ATP10D: variants seen among roughly 807,000 people sequenced by gnomAD.
ATP10D encodes phospholipid-transporting ATPase VD.
A neutral mutation model predicts 144.8 loss-of-function variants in ATP10D; 89 were observed. That is an observed-to-expected ratio of 0.61 (90% CI 0.52 to 0.73). The LOEUF is 0.73. ATP10D is among the 30% of genes least tolerant of loss of function. ATP10D has a pLI of 0.00. For synonymous variants in ATP10D, 571 were observed against 615.1 expected (o/e 0.93, Z 1.06); for missense variants, 1,603 against 1,714.8 (o/e 0.93, Z 1.15).
chr4:47,564,799 GA>G (rs1719515876), intron 15 of ATP10D, among the ~76,000 whole-genome samples: 2 of 152,060 alleles, frequency 1.3e-5, no homozygotes, highest in South Asian at 4.1e-4. Context: ...TATTTTTCTT[GA>G]AAAACTTCCT....
intron 1 of ATP10D, among the ~76,000 whole-genome samples, chr4:47,499,298 C>T (rs900314287): frequency 2.6e-5 from 4 of 152,070 alleles, no homozygotes; most frequent in Non-Finnish European, 4.4e-5. Flanking sequence ...ACCTGGTTGG[C>T]AATGGTAGCC....
At chr4:47,533,400 T>A (rs894111965) in intron 5 of ATP10D, among the ~76,000 whole-genome samples, 8 of 152,204 alleles carry the variant, frequency 5.3e-5, no homozygotes, top group African/African-American at 1.9e-4. Flanking sequence ...ATATATCTGT[T>A]AGAAGAAAGT....
chr4:47,529,377 G>A (rs139518878), intron 5 of ATP10D, among the ~76,000 whole-genome samples: 32 of 152,108 alleles, frequency 2.1e-4, no homozygotes, highest in African/African-American at 6.7e-4. Flanking sequence ...TTTTCCCAGC[G>A]CCATTTATTG....
At chr4:47,540,676 G>A (rs1718090898) in intron 9 of ATP10D, among the ~76,000 whole-genome samples, 1 of 152,146 alleles carries the variant, frequency 6.6e-6, no homozygotes, top group African/African-American at 2.4e-5. Flanking sequence ...ATATATTTGA[G>A]ATAAGTAATG....
intron 22 of ATP10D, 63 bp from the exon 23 acceptor site, chr4:47,590,979 G>GGC: frequency 2.6e-6 from 3 of 1,160,652 alleles, no homozygotes; most frequent in Non-Finnish European, 2.4e-6. Flanking sequence ...TAGTATTTGG[G>GGC]GGGGGGGGTT....
intron 1 of ATP10D, among the ~76,000 whole-genome samples, chr4:47,497,432 A>G (rs1193308958): frequency 6.6e-6 from 1 of 152,012 alleles, no homozygotes; most frequent in African/African-American, 2.4e-5. Context: ...TCCAGCCTGG[A>G]CAACAAGAGC....
At chr4:47,559,066 T>A (rs1179875270) in intron 13 of ATP10D, 37 bp downstream of exon 13, 1 of 1,547,564 alleles carries the variant, frequency 6.5e-7, no homozygotes, top group Non-Finnish European at 8.9e-7. Flanking sequence ...TTTTTGTTTT[T>A]TCCCTTGTTT....
chr4:47,502,247 G>C (rs900309459), intron 1 of ATP10D, among the ~76,000 whole-genome samples: 1 of 152,150 alleles, frequency 6.6e-6, no homozygotes, highest in Non-Finnish European at 1.5e-5. Context: ...GGCCGAGGCG[G>C]GCGGATCACG....
In ATP10D at chr4:47,520,776, T is replaced by C. The variant is rs184232550; in HGVS notation, c.486-2236T>C. Among the ~76,000 whole-genome samples the C allele has an allele frequency of 4.7e-3, 710 of 152,154 alleles. 2 individuals are homozygous for C. Among genetic ancestry groups the C allele is most frequent in the South Asian group, 0.011 (51 of 4,816 alleles). ...TAGAGACAGGGTTTCACCATATTGG[T>C]CAGAATGGTCTCAATCTTCTGACCC... is the stretch of plus-strand genomic sequence containing the variant. On this transcript the variant is annotated intron_variant, in intron 3 of 22. Coordinates refer to ENST00000273859, the MANE Select transcript of ATP10D (RefSeq NM_020453.4).
chr4:47,488,196 A>G (rs1714869540), intron 1 of ATP10D, among the ~76,000 whole-genome samples: 1 of 152,192 alleles, frequency 6.6e-6, no homozygotes, highest in South Asian at 2.1e-4. Context: ...ACTCAGTTAC[A>G]AAAGTTTTTT....
At chr4:47,512,863 T>TG in intron 2 of ATP10D, 33 bp downstream of exon 2, 1 of 1,551,154 alleles carries the variant, frequency 6.4e-7, no homozygotes, top group Non-Finnish European at 8.8e-7. Context: ...AACCTTAGAA[T>TG]ATCATTCTAG....
chr4:47,543,466 G>A (rs1718261499), intron 9 of ATP10D, among the ~76,000 whole-genome samples: 1 of 152,120 alleles, frequency 6.6e-6, no homozygotes, highest in Non-Finnish European at 1.5e-5. Flanking sequence ...AAGATGTTTA[G>A]AAGTATCCTT....
intron 3 of ATP10D, among the ~76,000 whole-genome samples, chr4:47,521,251 G>C (rs770606288): frequency 7.9e-5 from 12 of 152,120 alleles, no homozygotes; most frequent in Non-Finnish European, 1.6e-4. Flanking sequence ...TCAAATAAAA[G>C]CTTTTCAAAC....
At chr4:47,507,842 C>T (rs921783035) in intron 1 of ATP10D, among the ~76,000 whole-genome samples, 5 of 152,036 alleles carry the variant, frequency 3.3e-5, no homozygotes, top group Admixed American at 3.3e-4. Context: ...TCCCAATCTC[C>T]CTCATTCCGT....
intron 5 of ATP10D, among the ~76,000 whole-genome samples, chr4:47,530,379 C>G (rs937613372): frequency 6.6e-6 from 1 of 151,934 alleles, no homozygotes; most frequent in East Asian, 1.9e-4. Flanking sequence ...TGGTTTTTAT[C>G]GAGTGTTTTT....
intron 19 of ATP10D, among the ~76,000 whole-genome samples, chr4:47,577,999 A>G (rs2109471102): frequency 6.6e-6 from 1 of 152,314 alleles, no homozygotes; most frequent in Middle Eastern, 3.4e-3. Flanking sequence ...TTAAAAGCCC[A>G]TTTGTATGGA....
intron 11 of ATP10D, among the ~76,000 whole-genome samples, chr4:47,556,083 G>A (rs1214089912): frequency 6.6e-6 from 1 of 152,202 alleles, no homozygotes; most frequent in Non-Finnish European, 1.5e-5. Context: ...AAGTCTATTT[G>A]TAGCTTAGAA....
chr4:47,517,095 A>AT lies in ATP10D; in HGVS notation c.485+1430dup, dbSNP rs112517506. ...AATGGAAAGAATGCTTATTATATAT[A>AT]TTTTTGAATACAAATGCAAATATAT... On this transcript the variant is annotated intron_variant, in intron 3 of 22. Transcript: ENST00000273859. Among the ~76,000 whole-genome samples, 121 of 152,330 alleles carry AT rather than the reference A, an allele frequency of 7.9e-4. 2 individuals carry two copies. The highest frequency in any genetic ancestry group is 2.6e-3 in the African/African-American group (110 of 41,566).
chr4:47,514,798 C>T (rs1716544812), intron 2 of ATP10D, among the ~76,000 whole-genome samples: 1 of 151,964 alleles, frequency 6.6e-6, no homozygotes, highest in South Asian at 2.1e-4. Flanking sequence ...GAGGGTTGAT[C>T]TTTATTTTGT....
Sources: gnomAD v4.1 joint callset for allele counts (sites outside exome capture counted in the v4.1 genomes callset) on GRCh38, gnomAD v4.1.1 for gene constraint, MANE v1.5 for transcripts, NCBI Gene and HGNC (gene_info 2026-07-23, HGNC 2026-07-21) for gene names.